The following EDN1 variants were observed in gnomAD, a reference collection of about 807,000 sequenced individuals.
EDN1 encodes the protein endothelin-1.
A neutral mutation model predicts 21.7 loss-of-function variants in EDN1; 11 were observed. The ratio of observed to expected loss-of-function variants is 0.51; its 90% CI spans 0.32 to 0.84. The LOEUF (loss-of-function observed/expected upper bound fraction) is 0.84, where lower values mean the gene tolerates loss of function less well. Among genes scored for constraint, EDN1 ranks in the 40% least tolerant of loss-of-function variants. The pLI is 0.03. For synonymous variants in EDN1, 85 were observed against 90.6 expected (o/e 0.94, Z 0.35); for missense variants, 244 against 262.3 (o/e 0.93, Z 0.48).
At chr6:12,234,864 C>A in the EDN1 span, among the ~76,000 whole-genome samples, 19 of 152,088 alleles carry the variant, frequency 1.2e-4, no homozygotes, top group Non-Finnish European at 2.4e-4. Flanking sequence ...TGAGGATGGG[C>A]CAGACAGCAA....
At chr6:12,259,446 A>G in the EDN1 span, among the ~76,000 whole-genome samples, 1 of 151,416 alleles carries the variant, frequency 6.6e-6, no homozygotes, top group East Asian at 1.9e-4. Flanking sequence ...AAGAACTTTT[A>G]CTAGTGAAAA....
At chr6:12,247,536 C>CTTTTTTTTTTTTTTTTTTTT in the EDN1 span, among the ~76,000 whole-genome samples, 89 of 97,728 alleles carry the variant, frequency 9.1e-4, no homozygotes, top group Non-Finnish European at 1.4e-3. Flanking sequence ...TTCTTTCTTT[C>CTTTTTTTTTTTTTTTTTTTT]TTTTTTTTTT....
At chr6:12,231,460 G>A in the EDN1 span, among the ~76,000 whole-genome samples, 1 of 152,150 alleles carries the variant, frequency 6.6e-6, no homozygotes. Flanking sequence ...TTTCCCATAT[G>A]CATTTGCTGC....
chr6:12,256,904 T>A, the EDN1 span, among the ~76,000 whole-genome samples: 193 of 152,330 alleles, frequency 1.3e-3, 1 homozygote, highest in Middle Eastern at 0.01. Context: ...TGGTCCTGCT[T>A]GGAAATTCTT....
At chr6:12,266,155 T>C in the EDN1 span, among the ~76,000 whole-genome samples, 3 of 152,116 alleles carry the variant, frequency 2.0e-5, no homozygotes, top group East Asian at 3.9e-4. Flanking sequence ...ATTGCTTGGG[T>C]GGGGAAAAAT....
the EDN1 span, among the ~76,000 whole-genome samples, chr6:12,251,167 A>G: frequency 1.3e-5 from 2 of 152,252 alleles, no homozygotes; most frequent in African/African-American, 4.8e-5. Context: ...CAAATAAAGC[A>G]AAAGACCAAA....
intron 2 of EDN1, 51 bp downstream of exon 2, chr6:12,292,560 C>A: frequency 6.2e-7 from 1 of 1,605,834 alleles, no homozygotes; most frequent in Non-Finnish European, 8.5e-7. Context: ...GCGCTGGCTC[C>A]ACTGGAGCCC....
chr6:12,246,046 G>T, the EDN1 span, among the ~76,000 whole-genome samples: 7 of 152,000 alleles, frequency 4.6e-5, no homozygotes, highest in Non-Finnish European at 4.4e-5. Flanking sequence ...TAAAGAAATT[G>T]CATATACCTC....
chr6:12,240,010 T>C, the EDN1 span, among the ~76,000 whole-genome samples: 1 of 152,238 alleles, frequency 6.6e-6, no homozygotes, highest in Non-Finnish European at 1.5e-5. Flanking sequence ...GGTTATAAAG[T>C]AAAATAAAAG....
rs1186407529 is a variant in EDN1, at chr6:12,290,373, G to A, written c.-257G>A. 1 of 542,264 alleles carries A rather than the reference G, an allele frequency of 1.8e-6. No homozygotes were observed. Among genetic ancestry groups the A allele is most frequent in the South Asian group, 2.1e-5 (1 of 48,308 alleles). The allele number at this position is 542,264 out of a possible 1,614,324, so 33.6% of individuals were successfully genotyped here. A position where few individuals can be genotyped will look rare whatever the true frequency, so the allele number is the denominator to read the frequency against. ...AGCTGTCCAAGTCAGACGCGCCTCT[G>A]CATCTGCGCCAGGCGAACGGGTCCT... On this transcript the variant is annotated 5_prime_UTR_variant, in exon 1 of 5. Transcript: ENST00000379375.
chr6:12,277,641 T>A, the EDN1 span, among the ~76,000 whole-genome samples: 1 of 152,174 alleles, frequency 6.6e-6, no homozygotes, highest in Non-Finnish European at 1.5e-5. Context: ...GAAATTCCAG[T>A]GTTTCAGGAA....
intron 2 of EDN1, among the ~76,000 whole-genome samples, chr6:12,292,915 T>C (rs1455971197): frequency 2.6e-5 from 4 of 152,138 alleles, no homozygotes; most frequent in East Asian, 3.9e-4. Flanking sequence ...GAAGTGATGA[T>C]ATAGAGGGTT....
intron 4 of EDN1, among the ~76,000 whole-genome samples, chr6:12,295,064 G>C (rs1425947822): frequency 6.6e-6 from 1 of 151,990 alleles, no homozygotes; most frequent in Non-Finnish European, 1.5e-5. Context: ...GTTGCTCTGA[G>C]CTGCTCTTTG....
In EDN1 at chr6:12,292,323, T is replaced by C. The variant is rs761878329; in HGVS notation, c.65-18T>C. On this transcript the variant is annotated intron_variant, in intron 1 of 4. Transcript: ENST00000379375. ...TTTGAGGAGACATCCCCCACTGACC[T>C]GCTCTTTCTCTCCCCAGCAGTCTTA... 6.2e-6 allele frequency: 10 copies of C among 1,613,258 alleles called. No homozygotes were observed. The South Asian group carries it at 1.1e-4, about 18-fold the overall frequency.
chr6:12,269,887 C>A, the EDN1 span, among the ~76,000 whole-genome samples: 1 of 151,826 alleles, frequency 6.6e-6, no homozygotes, highest in African/African-American at 2.4e-5. Flanking sequence ...AATTGATGTT[C>A]ATTTAAAAAA....
chr6:12,253,187 C>T, the EDN1 span, among the ~76,000 whole-genome samples: 2 of 152,150 alleles, frequency 1.3e-5, no homozygotes, highest in East Asian at 3.8e-4. Flanking sequence ...TAGAAACAGA[C>T]TCCCAATGAG....
chr6:12,262,210 A>G, the EDN1 span, among the ~76,000 whole-genome samples: 4 of 152,228 alleles, frequency 2.6e-5, no homozygotes, highest in Admixed American at 1.3e-4. Context: ...ATGAAGTGGT[A>G]GGGAAGATGG....
At chr6:12,260,886 T>G in the EDN1 span, among the ~76,000 whole-genome samples, 2 of 152,208 alleles carry the variant, frequency 1.3e-5, no homozygotes, top group African/African-American at 2.4e-5. Flanking sequence ...TGAAATGCTG[T>G]ATGAAAAGAG....
At chr6:12,287,688 C>CTCT (rs1762576755), upstream of EDN1, among the ~76,000 whole-genome samples, 1 of 112,604 alleles carries the variant, frequency 8.9e-6, no homozygotes. Context: ...TCTCTCTCTC[C>CTCT]CTCTCTCTCT....
Sources: gnomAD v4.1 joint callset for allele counts (sites outside exome capture counted in the v4.1 genomes callset) on GRCh38, gnomAD v4.1.1 for gene constraint, MANE v1.5 for transcripts, NCBI Gene and HGNC (gene_info 2026-07-23, HGNC 2026-07-21) for gene names.